Variants in TSPAN7 observed in about 807,000 individuals in gnomAD.
The protein encoded by TSPAN7 is tetraspanin-7.
Under a neutral mutation model 17.6 loss-of-function variants are expected in TSPAN7, and 1 was observed. The ratio of observed to expected loss-of-function variants is 0.06; its 90% CI spans 0.02 to 0.27. The LOEUF (loss-of-function observed/expected upper bound fraction) is 0.27, where lower values mean the gene tolerates loss of function less well. Ranked by LOEUF, TSPAN7 falls within the 10% of genes least tolerant of loss-of-function variation. The pLI is 1.00. For missense variants in TSPAN7, 112 were observed against 201.7 expected, an observed-to-expected ratio of 0.56 and a Z score of 2.69; for synonymous variants, 78 against 79.0, an observed-to-expected ratio of 0.99 and a Z score of 0.07.
chrX:38,591,627 GAT>G (rs1480073901), intron 1 of TSPAN7, among the ~76,000 whole-genome samples: 2 of 111,917 alleles, frequency 1.8e-5, no homozygotes, highest in African/African-American at 6.5e-5. Flanking sequence ...TATAATTGCG[GAT>G]ATGTCTGTTT....
intron 1 of TSPAN7, among the ~76,000 whole-genome samples, chrX:38,622,112 G>A (rs1407444717): frequency 8.9e-6 from 1 of 112,429 alleles, no homozygotes; most frequent in Admixed American, 9.4e-5. Context: ...CCACGCCTTG[G>A]CCAGACCCCA....
chrX:38,685,164 A>G (rs1439534758), intron 6 of TSPAN7, among the ~76,000 whole-genome samples: 4 of 111,425 alleles, frequency 3.6e-5, no homozygotes, highest in African/African-American at 1.3e-4. Context: ...TTCTATGTAG[A>G]GGGCAGGACA....
chrX:38,562,389 C>A (rs925134748), intron 1 of TSPAN7, among the ~76,000 whole-genome samples: 1 of 111,227 alleles, frequency 9.0e-6, no homozygotes, highest in Non-Finnish European at 1.9e-5. Flanking sequence ...GCAGAGGGTC[C>A]CCTCCACTTG....
chrX:38,612,064 T>A (rs1003623834), intron 1 of TSPAN7, among the ~76,000 whole-genome samples: 2 of 112,164 alleles, frequency 1.8e-5, no homozygotes, highest in African/African-American at 6.5e-5. Context: ...TTGGTTTTGT[T>A]TGATGAAAGC....
chrX:38,677,035 C>T (rs776515003), intron 5 of TSPAN7, among the ~76,000 whole-genome samples: 1 of 111,734 alleles, frequency 8.9e-6, no homozygotes, highest in African/African-American at 3.3e-5. Context: ...AACAGAGCTT[C>T]AGAAGGTTGT....
intron 1 of TSPAN7, among the ~76,000 whole-genome samples, chrX:38,663,180 C>G (rs3051889): frequency 8.4e-4 from 84 of 100,555 alleles, no homozygotes; most frequent in East Asian, 3.4e-3. Flanking sequence ...CACACACACA[C>G]AGACACACAC....
chrX:38,683,878 A>G (rs956555077), intron 6 of TSPAN7, among the ~76,000 whole-genome samples: 1 of 113,192 alleles, frequency 8.8e-6, no homozygotes, highest in East Asian at 2.8e-4. Flanking sequence ...CCAATGTCAT[A>G]GTAAAATTTA....
At chrX:38,595,430 G>A (rs2069314209) in intron 1 of TSPAN7, among the ~76,000 whole-genome samples, 1 of 111,689 alleles carries the variant, frequency 9.0e-6, no homozygotes, top group Non-Finnish European at 1.9e-5. Flanking sequence ...CATATGTTCT[G>A]AAATGTTCTC....
At chrX:38,593,063 G>A (rs1322675168) in intron 1 of TSPAN7, among the ~76,000 whole-genome samples, 2 of 110,091 alleles carry the variant, frequency 1.8e-5, no homozygotes, top group African/African-American at 6.6e-5. Flanking sequence ...TTTTATTTTT[G>A]TATTTTAAAG....
chrX:38,678,247 A>C (rs1163747451), intron 5 of TSPAN7, among the ~76,000 whole-genome samples: 1 of 112,317 alleles, frequency 8.9e-6, no homozygotes, highest in Non-Finnish European at 1.9e-5. Context: ...TAAGGGCAAG[A>C]GGAACATAGT....
chrX:38,661,787 G>T (rs865853524), intron 1 of TSPAN7, among the ~76,000 whole-genome samples: 3 of 110,686 alleles, frequency 2.7e-5, no homozygotes, highest in Non-Finnish European at 5.7e-5. Flanking sequence ...TTGCTTTGGT[G>T]AACTCCGAAC....
At chrX:38,632,912 T>C (rs959073920) in intron 1 of TSPAN7, among the ~76,000 whole-genome samples, 3 of 112,110 alleles carry the variant, frequency 2.7e-5, no homozygotes, top group Non-Finnish European at 5.6e-5. Flanking sequence ...CCAGAGGTTA[T>C]CTGGTCCAGT....
At chrX:38,686,133 C>T (rs1015968864) in intron 6 of TSPAN7, among the ~76,000 whole-genome samples, 8 of 112,507 alleles carry the variant, frequency 7.1e-5, no homozygotes, top group Non-Finnish European at 1.3e-4. Context: ...TAAGTGCATG[C>T]GACTATGTAT....
At chrX:38,572,239 G>T (rs2069173211) in intron 1 of TSPAN7, among the ~76,000 whole-genome samples, 1 of 111,570 alleles carries the variant, frequency 9.0e-6, no homozygotes, top group African/African-American at 3.3e-5. Flanking sequence ...GGTTGAACTT[G>T]ACCTTAGAAG....
chrX:38,626,573 G>A (rs1209460984), intron 1 of TSPAN7, among the ~76,000 whole-genome samples: 2 of 111,060 alleles, frequency 1.8e-5, no homozygotes, highest in African/African-American at 3.3e-5. Flanking sequence ...AGGAGAAAGG[G>A]CCACAAAAGA....
chrX:38,623,698 C>T (rs746687870), intron 1 of TSPAN7, among the ~76,000 whole-genome samples: 1 of 107,986 alleles, frequency 9.3e-6, no homozygotes, highest in African/African-American at 3.4e-5. Flanking sequence ...CCTGAAAACT[C>T]GTAGACTTTC....
rs1027782053 is a variant in TSPAN7 at position 38,673,244 on chromosome X, T to C, written c.346-977T>C. On this transcript the variant is annotated intron_variant, in intron 3 of 7. Coordinates refer to ENST00000378482, the MANE Select transcript of TSPAN7 (RefSeq NM_004615.4). ...CATTTTACCAATTGGGGGTCAGTTTTATCAATAAACTCAGTGGCCTGGTAA... is the reference window on the plus strand; with the variant it reads ...CATTTTACCAATTGGGGGTCAGTTTCATCAATAAACTCAGTGGCCTGGTAA... Among the ~76,000 whole-genome samples, 54 of 112,072 alleles carry C rather than the reference T, an allele frequency of 4.8e-4. 1 individual carries two copies. The highest frequency in any genetic ancestry group is 1.6e-3 in the African/African-American group (48 of 30,850).
intron 2 of TSPAN7, among the ~76,000 whole-genome samples, chrX:38,670,340 A>G (rs929444747): frequency 1.3e-4 from 15 of 112,032 alleles, no homozygotes; most frequent in African/African-American, 4.9e-4. Flanking sequence ...TCTGCCTTTC[A>G]AAGTTATCCT....
chrX:38,669,901 T>G (rs1416343123), intron 2 of TSPAN7, among the ~76,000 whole-genome samples: 2 of 111,773 alleles, frequency 1.8e-5, no homozygotes, highest in African/African-American at 3.3e-5. Flanking sequence ...AGTCTAGGCT[T>G]ATCCCATCAG....
Sources: gnomAD v4.1 joint callset for allele counts (sites outside exome capture counted in the v4.1 genomes callset) on GRCh38, gnomAD v4.1.1 for gene constraint, MANE v1.5 for transcripts, NCBI Gene and HGNC (gene_info 2026-07-23, HGNC 2026-07-21) for gene names.